Variants in LSM14A observed in about 807,000 individuals in gnomAD.
LSM14A encodes the protein protein LSM14 homolog A.
Under a neutral mutation model 52.4 loss-of-function variants are expected in LSM14A, and 14 were observed. The ratio of observed to expected loss-of-function variants is 0.27; its 90% CI spans 0.18 to 0.42. The LOEUF is 0.42. Ranked by LOEUF, LSM14A falls within the 10% of genes least tolerant of loss-of-function variation. The probability of loss-of-function intolerance (pLI) is 1.00; values close to 1 mark genes in which losing one functional copy is unlikely to be tolerated. For missense variants in LSM14A, 417 were observed against 581.8 expected (o/e 0.72, Z 2.91); for synonymous variants, 185 against 200.3 (o/e 0.92, Z 0.64).
chr19:34,188,958 G>A (rs1320966557), intron 1 of LSM14A, among the ~76,000 whole-genome samples: 1 of 152,032 alleles, frequency 6.6e-6, no homozygotes, highest in Non-Finnish European at 1.5e-5. Flanking sequence ...ACAAGTTTCT[G>A]TGTGAACATA....
intron 9 of LSM14A, 128 bp from the exon 10 acceptor site, chr19:34,227,237 G>A (rs2073389935): frequency 2.9e-6 from 2 of 686,916 alleles, no homozygotes; most frequent in Middle Eastern, 2.4e-4. Context: ...GAGTGAGACA[G>A]GTTTTTCTAT....
rs115616427 is a variant in LSM14A, at chr19:34,215,758, G to A, written c.781+97G>A. ...AATTACTATAAAAAAATGAAAGGCGGGGGTTGTGACTGTAAAGGAGGAGCA... is the reference window on the plus strand; with the variant it reads ...AATTACTATAAAAAAATGAAAGGCGAGGGTTGTGACTGTAAAGGAGGAGCA... On this transcript the variant is annotated intron_variant, in intron 6 of 9. Coordinates refer to ENST00000544216, the MANE Select transcript of LSM14A (RefSeq NM_015578.4). 1,546 of 892,986 alleles carry A rather than the reference G, an allele frequency of 1.7e-3. 15 individuals are homozygous for A. In the African/African-American group the frequency reaches 0.024, roughly 14 times the overall value. The allele number at this position is 892,986 out of a possible 1,614,324, so 55.3% of individuals were successfully genotyped here.
rs55881439 is a variant in LSM14A at position 34,217,255 on chromosome 19, C to CA, written c.781+1615dup. 3.3e-3 allele frequency among the ~76,000 whole-genome samples: 367 copies of CA among 110,212 alleles called. 2 individuals carry two copies. Among genetic ancestry groups the CA allele is most frequent in the South Asian group, 0.02 (64 of 3,124 alleles). 72.3% of individuals were successfully genotyped at this position (110,212 alleles called of 152,430 possible). ...CCTGGGCAACAGAGCGAGAGTCTGTCAAAAAAAAAAAAAAAAAAAAATTGA... is the reference window on the plus strand; with the variant it reads ...CCTGGGCAACAGAGCGAGAGTCTGTCAAAAAAAAAAAAAAAAAAAAAATTGA... On this transcript the variant is annotated intron_variant, in intron 6 of 9. Transcript: ENST00000544216.
chr19:34,176,040 G>T (rs919165529), intron 1 of LSM14A, among the ~76,000 whole-genome samples: 1 of 152,050 alleles, frequency 6.6e-6, no homozygotes, highest in Admixed American at 6.6e-5. Context: ...AGTAGAGACG[G>T]GGTTTCACCA....
At chr19:34,196,894 T>G in intron 3 of LSM14A, 131 bp downstream of exon 3, 1 of 764,954 alleles carries the variant, frequency 1.3e-6, no homozygotes, top group South Asian at 2.3e-5. Context: ...TTTATGGTAT[T>G]CAGAACACAT....
chr19:34,213,224 C>A (rs682977), intron 4 of LSM14A, among the ~76,000 whole-genome samples: 2 of 151,352 alleles, frequency 1.3e-5, no homozygotes, highest in Non-Finnish European at 2.9e-5. Context: ...CCAAAACTTA[C>A]ATAAACCATG....
chr19:34,214,857 G>A (rs1262836822), intron 4 of LSM14A, among the ~76,000 whole-genome samples: 1 of 150,234 alleles, frequency 6.7e-6, no homozygotes, highest in Non-Finnish European at 1.5e-5. Context: ...CCACTAAGTA[G>A]AAATAACAGA....
At chr19:34,183,389 A>T (rs531436936) in intron 1 of LSM14A, among the ~76,000 whole-genome samples, 1 of 152,218 alleles carries the variant, frequency 6.6e-6, no homozygotes, top group African/African-American at 2.4e-5. Context: ...CGTCTCTACT[A>T]AAAATACAAA....
At chr19:34,177,025 G>A (rs1291759021) in intron 1 of LSM14A, among the ~76,000 whole-genome samples, 1 of 152,146 alleles carries the variant, frequency 6.6e-6, no homozygotes, top group African/African-American at 2.4e-5. Context: ...ACTAAATGGG[G>A]CTGACCAGCT....
At chr19:34,199,024 A>T (rs753721275) in intron 3 of LSM14A, among the ~76,000 whole-genome samples, 22 of 152,126 alleles carry the variant, frequency 1.4e-4, no homozygotes, top group Non-Finnish European at 2.6e-4. Context: ...AGGAAAAAAT[A>T]ATTCAGGTAA....
chr19:34,187,280 A>T (rs1445162702), intron 1 of LSM14A, among the ~76,000 whole-genome samples: 1 of 145,756 alleles, frequency 6.9e-6, no homozygotes, highest in Non-Finnish European at 1.5e-5. Flanking sequence ...GCTTTGGGAA[A>T]TTTTTTTTTT....
chr19:34,183,050 A>G (rs1375466297), intron 1 of LSM14A, among the ~76,000 whole-genome samples: 4 of 152,018 alleles, frequency 2.6e-5, no homozygotes. Context: ...TTTCACTCTT[A>G]TATCATATTT....
rs568027372 is a variant in LSM14A at position 34,212,482 on chromosome 19, A to G, written c.539-2642A>G. ...AAATATATAAATTTTAAATAGATTA[A>G]AATGTTAAAAATTTTGAAGTATGTG... On this transcript the variant is annotated intron_variant, in intron 4 of 9. Transcript: ENST00000544216. Among the ~76,000 whole-genome samples the G allele has an allele frequency of 2.0e-5, 3 of 152,336 alleles. No homozygotes were observed. In the East Asian group the frequency reaches 5.8e-4, roughly 29 times the overall value.
In LSM14A at chr19:34,219,401, T is replaced by C. The variant is rs1421227831; in HGVS notation, c.792T>C (p.Ala264=). The change falls in exon 7 of 10, where the codon GCT becomes GCC. Residue 264 remains alanine, a synonymous_variant. Coordinates refer to ENST00000544216, the MANE Select transcript of LSM14A (RefSeq NM_015578.4). ...TCTTTATTATCATAGCTCCAGGTGC[T>C]CCTTCAGCTCCAAGGAGAGGGCGTG... ...NDNKRQVAPG[A]PSAPRRGRGG... 2 of 1,606,782 alleles carry C rather than the reference T, an allele frequency of 1.2e-6. No individual in the cohort carries two copies. Among genetic ancestry groups the C allele is most frequent in the Admixed American group, 1.7e-5 (1 of 57,946 alleles).
intron 1 of LSM14A, among the ~76,000 whole-genome samples, chr19:34,173,934 CTTTATTTATTTA>C (rs72429939): frequency 2.0e-5 from 3 of 150,966 alleles, no homozygotes; most frequent in Admixed American, 6.6e-5. Flanking sequence ...CTGGTAAATC[CTTTATTTATTTA>C]TTTATTTATT....
chr19:34,225,670 A>C (rs1406360434), intron 9 of LSM14A, among the ~76,000 whole-genome samples: 1 of 152,218 alleles, frequency 6.6e-6, no homozygotes, highest in Non-Finnish European at 1.5e-5. Flanking sequence ...GATGATAAGG[A>C]AACTAAGGAC....
intron 3 of LSM14A, among the ~76,000 whole-genome samples, chr19:34,207,166 C>T (rs2071760691): frequency 6.6e-6 from 1 of 151,930 alleles, no homozygotes; most frequent in African/African-American, 2.4e-5. Context: ...TGGAGTAGAG[C>T]GAGGGGGGTG....
chr19:34,209,050 A>G lies in LSM14A; in HGVS notation c.537A>G (p.Gln179=). ...DTRSLKTQLS[Q]GRSSPQLDPL... is the part of the protein sequence containing the mutation. ...GATCTCTAAAAACACAGTTATCTCA[A>G]GGTAAGCTATCTCATCCCTAAAATA... The change falls in exon 4 of 10, where the codon CAA becomes CAG. Residue 179 remains glutamine (Q), a splice_region_variant and synonymous_variant. Transcript: ENST00000544216. The G allele has an allele frequency of 1.3e-6, 2 of 1,569,204 alleles. No homozygotes were observed. The highest frequency in any genetic ancestry group is 1.7e-6 in the Non-Finnish European group (2 of 1,155,946).
Position 34,215,237 on chromosome 19 carries a change from G to T in LSM14A, c.652G>T (p.Val218Leu), listed in dbSNP as rs370406890. 18 of 1,614,092 alleles carry T rather than the reference G, an allele frequency of 1.1e-5. No homozygotes were observed. The highest frequency in any genetic ancestry group is 1.7e-5 in the Admixed American group (1 of 59,992). Reference sequence around the variant, plus strand: ...AGCAGCTGTTGGGAGAAGGAGTCCTGTATCAACCAGGCCTTTGCCATCTGC... The same window carrying T: ...AGCAGCTGTTGGGAGAAGGAGTCCTTTATCAACCAGGCCTTTGCCATCTGC... ...APAAVGRRSP[V>L]STRPLPSASQ... The change falls in exon 5 of 10, where the codon GTA (valine) becomes TTA (leucine). Residue 218 changes from valine to leucine, a missense_variant. By Grantham distance (32) the Val-to-Leu change is conservative. Transcript: ENST00000544216.
Sources: gnomAD v4.1 joint callset for allele counts (sites outside exome capture counted in the v4.1 genomes callset) on GRCh38, gnomAD v4.1.1 for gene constraint, MANE v1.5 for transcripts, NCBI Gene and HGNC (gene_info 2026-07-23, HGNC 2026-07-21) for gene names.